The following DSCAM variants were observed in gnomAD, a reference collection of about 807,000 sequenced individuals.
DSCAM encodes cell adhesion molecule DSCAM.
DSCAM carries 47 observed loss-of-function variants against 217.7 expected under a neutral mutation model. The ratio of observed to expected loss-of-function variants is 0.22; its 90% CI spans 0.17 to 0.28. The LOEUF is 0.28. Ranked by LOEUF, DSCAM falls within the 10% of genes least tolerant of loss-of-function variation. The probability of loss-of-function intolerance (pLI) is 1.00; values close to 1 mark genes in which losing one functional copy is unlikely to be tolerated. For missense variants in DSCAM, 2,080 were observed against 2,618.3 expected (o/e 0.79, Z 4.49); for synonymous variants, 1,056 against 1,015.3 (o/e 1.04, Z -0.76).
At chr21:40,421,579 G>A (rs918725852) in intron 3 of DSCAM, among the ~76,000 whole-genome samples, 4 of 152,208 alleles carry the variant, frequency 2.6e-5, no homozygotes, top group Admixed American at 1.3e-4. Flanking sequence ...TGAGGTGTAT[G>A]TTGAAAAATA....
intron 1 of DSCAM, among the ~76,000 whole-genome samples, chr21:40,802,009 C>T (rs1482315365): frequency 6.6e-6 from 1 of 152,166 alleles, no homozygotes; most frequent in Admixed American, 6.5e-5. Flanking sequence ...AGGACCTCCA[C>T]CAGGATCCCA....
chr21:40,804,640 C>T (rs913184854), intron 1 of DSCAM, among the ~76,000 whole-genome samples: 15 of 152,242 alleles, frequency 9.9e-5, no homozygotes, highest in Middle Eastern at 6.8e-3. Flanking sequence ...ACTTGGTTTT[C>T]GACTACTTAT....
At position 40,011,099 on chromosome 21, in the gene DSCAM, T is replaced by TAG. The variant is rs1233393816; in HGVS notation, c.*1933_*1934dup. On this transcript the variant is annotated 3_prime_UTR_variant, in exon 33 of 33. Coordinates refer to ENST00000400454, the MANE Select transcript of DSCAM (RefSeq NM_001389.5). The stretch of plus-strand genomic sequence containing the variant: ...ATAGAAGTTTTAGGTTGATGAAAGA[T>TAG]AGACTTTTAATTTTTTCCCCCAGAA... The TAG allele has an allele frequency of 3.3e-5, 5 of 152,256 alleles. No individual in the cohort carries two copies. The South Asian group carries it at 1.0e-3, about 32-fold the overall frequency. 9.4% of individuals were successfully genotyped at this position (152,256 alleles called of 1,614,324 possible). A position where few individuals can be genotyped will look rare whatever the true frequency, so the allele number is the denominator to read the frequency against.
intron 1 of DSCAM, among the ~76,000 whole-genome samples, chr21:40,752,103 T>G (rs1295940364): frequency 6.6e-6 from 1 of 152,232 alleles, no homozygotes; most frequent in African/African-American, 2.4e-5. Context: ...TCTTTTCTTT[T>G]GCACTCCTGA....
intron 3 of DSCAM, among the ~76,000 whole-genome samples, chr21:40,549,330 C>T (rs762624761): frequency 6.6e-6 from 1 of 152,056 alleles, no homozygotes; most frequent in Non-Finnish European, 1.5e-5. Context: ...TCCAAACAGA[C>T]CAAGGTATTA....
intron 4 of DSCAM, among the ~76,000 whole-genome samples, chr21:40,364,536 G>C (rs1429516053): frequency 2.1e-5 from 3 of 145,262 alleles, no homozygotes; most frequent in African/African-American, 7.5e-5. Flanking sequence ...TGTGGGATGG[G>C]GGGAGGGGGG....
At chr21:40,432,221 T>TAAATAAATAA (rs1473127132) in intron 3 of DSCAM, among the ~76,000 whole-genome samples, 25,834 of 149,632 alleles carry the variant, frequency 0.17, 2,356 homozygotes, top group Admixed American at 0.24. Flanking sequence ...AAAATAAATA[T>TAAATAAATAA]ATAAATAAAT....
chr21:40,113,068 A>C (rs1360851163), intron 20 of DSCAM, among the ~76,000 whole-genome samples: 1 of 152,224 alleles, frequency 6.6e-6, no homozygotes, highest in Non-Finnish European at 1.5e-5. Flanking sequence ...TCATTTTATG[A>C]GGCCAGCATC....
In DSCAM at chr21:40,012,897, A is replaced by C. The variant is rs1439029265; in HGVS notation, c.*137T>G. 1 of 614,804 alleles carries C rather than the reference A, an allele frequency of 1.6e-6. No individual in the cohort carries two copies. Among genetic ancestry groups the C allele is most frequent in the East Asian group, 3.4e-5 (1 of 29,098 alleles). 38.1% of individuals were successfully genotyped at this position (614,804 alleles called of 1,614,324 possible). A position where few individuals can be genotyped will look rare whatever the true frequency, so the allele number is the denominator to read the frequency against. On this transcript the variant is annotated 3_prime_UTR_variant, in exon 33 of 33. Transcript: ENST00000400454. ...GAGTCTTTGCACTGTCTGTGGTTTC[A>C]GTATTTTCTCTTTTTTTTTTTTAAT... is the stretch of plus-strand genomic sequence containing the variant.
chr21:40,344,306 A>G (rs964760367), intron 6 of DSCAM, among the ~76,000 whole-genome samples: 2 of 152,154 alleles, frequency 1.3e-5, no homozygotes, highest in East Asian at 3.9e-4. Context: ...TTCTCATGGT[A>G]TTTGTTCTTA....
chr21:40,047,339 C>CAAAT (rs1221667334), intron 30 of DSCAM, among the ~76,000 whole-genome samples: 1 of 152,100 alleles, frequency 6.6e-6, no homozygotes, highest in African/African-American at 2.4e-5. Context: ...ATCTACTGAG[C>CAAAT]AAATAAACGC....
rs58219836 is a variant in DSCAM at position 40,296,831 on chromosome 21, C to CAAAA, written c.2063-661_2063-658dup. Among the ~76,000 whole-genome samples the CAAAA allele has an allele frequency of 0.012, 642 of 53,770 alleles. 44 individuals carry two copies. The East Asian group carries it at 0.15, about 12-fold the overall frequency. The allele number at this position is 53,770 out of a possible 152,430, so 35.3% of individuals were successfully genotyped here. ...GGGCAACAAGAGTCAAACTCCATCT[C>CAAAA]AAAAAAAAAAAAAAAAAAAAAAAAG... On this transcript the variant is annotated intron_variant, in intron 9 of 32. Transcript: ENST00000400454.
chr21:40,554,111 ATCC>A (rs2076651478), intron 3 of DSCAM, among the ~76,000 whole-genome samples: 1 of 151,128 alleles, frequency 6.6e-6, no homozygotes, highest in South Asian at 2.1e-4. Context: ...GGCTTAAACA[ATCC>A]TCCTGCCTCA....
At chr21:40,400,237 T>C (rs2075221391) in intron 3 of DSCAM, among the ~76,000 whole-genome samples, 2 of 152,224 alleles carry the variant, frequency 1.3e-5, no homozygotes, top group Non-Finnish European at 2.9e-5. Flanking sequence ...TTTTAAAATA[T>C]GTATTTATTT....
chr21:40,500,735 G>A (rs1450952281), intron 3 of DSCAM, among the ~76,000 whole-genome samples: 1 of 152,198 alleles, frequency 6.6e-6, no homozygotes, highest in Non-Finnish European at 1.5e-5. Flanking sequence ...GGGCAGGAGT[G>A]GTTTCAGAGC....
At chr21:40,321,532 CTT>C (rs2074259260) in intron 8 of DSCAM, among the ~76,000 whole-genome samples, 1 of 151,546 alleles carries the variant, frequency 6.6e-6, no homozygotes, top group Non-Finnish European at 1.5e-5. Flanking sequence ...CTCAACATGT[CTT>C]TTGTGTGGTT....
chr21:40,232,392 A>G (rs2837521), intron 11 of DSCAM, among the ~76,000 whole-genome samples: 85,096 of 152,036 alleles, frequency 0.56, 25,805 homozygotes, highest in African/African-American at 0.81. Context: ...ATAGACCCAT[A>G]GGAAAAGCTT....
rs1368279759 is a variant in DSCAM, at chr21:40,317,193, G to GGT, written c.1784-4836_1784-4835dup. ...GAGCAGGTGGGAGTTTCTAGTCCGG[G>GGT]GTATACCTTCAAGATCTCCTCACCC... On this transcript the variant is annotated intron_variant, in intron 8 of 32. Transcript: ENST00000400454. Among the ~76,000 whole-genome samples the GGT allele has an allele frequency of 6.6e-5, 10 of 152,210 alleles. No homozygotes were observed. The South Asian group carries it at 2.1e-3, about 32-fold the overall frequency.
At chr21:40,643,596 G>C (rs1386689913) in intron 3 of DSCAM, among the ~76,000 whole-genome samples, 1 of 152,188 alleles carries the variant, frequency 6.6e-6, no homozygotes, top group Non-Finnish European at 1.5e-5. Flanking sequence ...TTGCTTTGCT[G>C]TTGGCTGAAT....
Sources: allele counts gnomAD v4.1 joint callset (sites outside exome capture counted in the v4.1 genomes callset), GRCh38; gene constraint gnomAD v4.1.1; transcripts MANE v1.5; gene names NCBI Gene and HGNC (gene_info 2026-07-23, HGNC 2026-07-21).